CDCP1: variants seen among roughly 807,000 people sequenced by gnomAD.
CDCP1 encodes CUB domain containing protein 1.
A neutral mutation model predicts 60.2 loss-of-function variants in CDCP1; 29 were observed. That is an observed-to-expected ratio of 0.48 (90% CI 0.36 to 0.66). CDCP1 has a LOEUF of 0.66. Among genes scored for constraint, CDCP1 ranks in the 30% least tolerant of loss-of-function variants. The pLI, the probability that CDCP1 is intolerant of heterozygous loss-of-function variation, is 0.00. For missense variants in CDCP1, 876 were observed against 1,074.3 expected (o/e 0.82, Z 2.58); for synonymous variants, 387 against 431.1 (o/e 0.90, Z 1.27).
chr3:45,108,380 C>T (rs528841444), intron 4 of CDCP1, among the ~76,000 whole-genome samples: 4 of 152,276 alleles, frequency 2.6e-5, no homozygotes, highest in East Asian at 3.9e-4. Context: ...CACCTCTCAA[C>T]GGCAGTTATT....
chr3:45,091,429 G>A lies in CDCP1; in HGVS notation c.1737C>T (p.Ser579=), dbSNP rs75990347. ...GGCAGGCCACCTGGTCTCTGGGCAC[G>A]CTGATGTTCCAGGACACAGAGGTGA... The part of the protein sequence containing the change: ...PSLTSVSWNI[S]VPRDQVACLT... Residue 579 remains serine (S), a synonymous_variant, in exon 7 of 9, where the codon AGC becomes AGT. Coordinates refer to ENST00000296129, the MANE Select transcript of CDCP1 (RefSeq NM_022842.5). This position sits in a 1 kb window ranked among gnomAD's most constrained non-coding sequence, Gnocchi z 4.8. 10,824 of 1,613,276 alleles carry A rather than the reference G, an allele frequency of 6.7e-3. 361 individuals are homozygous for A. In the East Asian group the frequency reaches 0.11, roughly 16 times the overall value.
chr3:45,145,220 AC>A (rs1449089241), intron 1 of CDCP1, among the ~76,000 whole-genome samples: 1 of 152,094 alleles, frequency 6.6e-6, no homozygotes, highest in Non-Finnish European at 1.5e-5. Flanking sequence ...TATCTAATTT[AC>A]ACCTGCCAAA....
rs535446096 is a variant in CDCP1 at position 45,093,342 on chromosome 3, G to C, written c.1562C>G (p.Ala521Gly). 17 of 1,614,158 alleles carry C rather than the reference G, an allele frequency of 1.1e-5. 1 individual carries two copies. In the South Asian group the frequency reaches 1.4e-4, roughly 14 times the overall value. The part of the protein sequence containing the change: ...QNISVTLRTF[A>G]PSFQQEASRQ... ...GGAGGCCTCTTGTTGGAAGCTGGGG[G>C]CAAAGGTGCGAAGGGTCACCGAGAT... Residue 521 changes from alanine to glycine, a missense_variant, in exon 6 of 9, where the codon GCC becomes GGC. Transcript: ENST00000296129.
In CDCP1 at chr3:45,098,247, G is replaced by A. The variant is rs139018207; in HGVS notation, c.1025-2679C>T. Among the ~76,000 whole-genome samples the A allele has an allele frequency of 5.1e-4, 77 of 152,102 alleles. 2 individuals carry two copies. The East Asian group carries it at 0.014, about 27-fold the overall frequency. On this transcript the variant is annotated intron_variant, in intron 4 of 8. Transcript: ENST00000296129. ...AAAGTCCCACCCTGTCACCCAGGCTGGACTGCGGTGGCGTGATCATAGCTC... is the reference window on the plus strand; with the variant it reads ...AAAGTCCCACCCTGTCACCCAGGCTAGACTGCGGTGGCGTGATCATAGCTC...
intron 4 of CDCP1, among the ~76,000 whole-genome samples, chr3:45,105,883 T>G (rs114581113): frequency 1.3e-3 from 196 of 152,274 alleles, no homozygotes; most frequent in African/African-American, 4.5e-3. Flanking sequence ...GTGGAGCACT[T>G]AAAAACAAGA....
At chr3:45,143,545 A>G (rs1034189133) in intron 1 of CDCP1, among the ~76,000 whole-genome samples, 4 of 152,246 alleles carry the variant, frequency 2.6e-5, no homozygotes, top group Non-Finnish European at 5.9e-5. Flanking sequence ...GCGTGCATAC[A>G]TACACATTAA....
At chr3:45,088,032 G>T (rs183975149) in intron 8 of CDCP1, among the ~76,000 whole-genome samples, 3 of 131,372 alleles carry the variant, frequency 2.3e-5, no homozygotes, top group Admixed American at 7.5e-5. Flanking sequence ...AAAAAAAAAA[G>T]AATTTTTTCA....
chr3:45,131,934 C>G (rs996576310), intron 1 of CDCP1, among the ~76,000 whole-genome samples: 2 of 151,990 alleles, frequency 1.3e-5, no homozygotes, highest in African/African-American at 4.8e-5. Context: ...ATTTTTTTGG[C>G]GATTAAGAGC....
rs1276081944 is a variant in CDCP1 at position 45,085,148 on chromosome 3, G to C, written c.*490C>G. 6.5e-6 allele frequency: 1 copy of C among 154,304 alleles called. No individual in the cohort carries two copies. The highest frequency in any genetic ancestry group is 2.0e-4 in the South Asian group (1 of 4,962). 9.6% of individuals were successfully genotyped at this position (154,304 alleles called of 1,614,324 possible). ...GTTATTACTAAGTCAGGTGAAAAGA[G>C]CTAGGTGGTTATACATTTGATCTCT... On this transcript the variant is annotated 3_prime_UTR_variant, in exon 9 of 9. Transcript: ENST00000296129. This position sits in a 1 kb window ranked among gnomAD's most constrained non-coding sequence, Gnocchi z 4.2.
intron 5 of CDCP1, among the ~76,000 whole-genome samples, chr3:45,094,077 T>C (rs182853376): frequency 5.9e-5 from 9 of 152,278 alleles, no homozygotes; most frequent in African/African-American, 1.9e-4. Flanking sequence ...TAGTTCGTCT[T>C]CTGGCTCTGC....
In CDCP1 at chr3:45,085,620, C is replaced by T. The variant is rs755720611; in HGVS notation, c.*18G>A. ...CCCTGCTTTATGAAACTCAGCAAAGCGTCTGGAATGGATCAAGTTATTCTG... is the reference window on the plus strand; with the variant it reads ...CCCTGCTTTATGAAACTCAGCAAAGTGTCTGGAATGGATCAAGTTATTCTG... On this transcript the variant is annotated 3_prime_UTR_variant, in exon 9 of 9. Coordinates refer to ENST00000296129, the MANE Select transcript of CDCP1 (RefSeq NM_022842.5). This position sits in a 1 kb window ranked among gnomAD's most constrained non-coding sequence, Gnocchi z 4.2. The T allele has an allele frequency of 6.3e-6, 10 of 1,589,640 alleles. No homozygotes were observed. Among genetic ancestry groups the T allele is most frequent in the African/African-American group, 4.0e-5 (3 of 74,164 alleles).
intron 1 of CDCP1, among the ~76,000 whole-genome samples, chr3:45,130,750 A>G (rs1699077318): frequency 6.6e-6 from 1 of 152,226 alleles, no homozygotes. Flanking sequence ...GGAGTTGCTT[A>G]CAGGTGTTGT....
Position 45,084,370 on chromosome 3 carries a change from C to T in CDCP1, c.*1268G>A, listed in dbSNP as rs151084432. ...ACCCCAAAGATGTTCTGGTCCTAAT[C>T]CCCACCTGTGGCTATGTTGTCTTGC... On this transcript the variant is annotated 3_prime_UTR_variant, in exon 9 of 9. Transcript: ENST00000296129. 6.6e-6 allele frequency: 1 copy of T among 152,200 alleles called. No individual in the cohort carries two copies. Among genetic ancestry groups the T allele is most frequent in the Non-Finnish European group, 1.5e-5 (1 of 68,058 alleles). The allele number at this position is 152,200 out of a possible 1,614,324, so 9.4% of individuals were successfully genotyped here. A position where few individuals can be genotyped will look rare whatever the true frequency, so the allele number is the denominator to read the frequency against.
At chr3:45,094,054 G>A (rs957324701) in intron 5 of CDCP1, among the ~76,000 whole-genome samples, 1 of 152,112 alleles carries the variant, frequency 6.6e-6, no homozygotes, top group East Asian at 1.9e-4. Flanking sequence ...TGTGAGTGGC[G>A]TTGGGGAGAT....
At chr3:45,145,441 G>A (rs140424052) in intron 1 of CDCP1, among the ~76,000 whole-genome samples, 1 of 152,184 alleles carries the variant, frequency 6.6e-6, no homozygotes, top group African/African-American at 2.4e-5. Flanking sequence ...TCACTGGGAC[G>A]TGTTGGTCCC....
chr3:45,142,004 G>A (rs1339812352), intron 1 of CDCP1, among the ~76,000 whole-genome samples: 1 of 152,008 alleles, frequency 6.6e-6, no homozygotes, highest in Non-Finnish European at 1.5e-5. Context: ...GCTAATTTTT[G>A]TATTTTTTAG....
intron 1 of CDCP1, among the ~76,000 whole-genome samples, chr3:45,125,046 T>C (rs1376191700): frequency 1.3e-5 from 2 of 152,104 alleles, no homozygotes; most frequent in African/African-American, 2.4e-5. Context: ...GGGGTGGTGG[T>C]CAAGGAGGGC....
intron 1 of CDCP1, among the ~76,000 whole-genome samples, chr3:45,142,973 C>T (rs770613157): frequency 3.9e-5 from 6 of 152,150 alleles, no homozygotes; most frequent in Non-Finnish European, 8.8e-5. Context: ...GAGGCCGAGG[C>T]GGGCAGATCA....
chr3:45,125,626 A>G (rs2126003466), intron 1 of CDCP1, among the ~76,000 whole-genome samples: 1 of 152,368 alleles, frequency 6.6e-6, no homozygotes, highest in Middle Eastern at 3.4e-3. Flanking sequence ...ATGGGGCACC[A>G]TTGAAGGGTG....
Sources: allele counts gnomAD v4.1 joint callset (sites outside exome capture counted in the v4.1 genomes callset), GRCh38; gene constraint gnomAD v4.1.1; non-coding constraint Gnocchi (gnomAD v3.1); transcripts MANE v1.5; gene names NCBI Gene and HGNC (gene_info 2026-07-23, HGNC 2026-07-21).